THADA: variants seen among roughly 807,000 people sequenced by gnomAD.
THADA encodes THADA armadillo repeat containing.
A neutral mutation model predicts 219.8 loss-of-function variants in THADA; 213 were observed. That is an observed-to-expected ratio of 0.97 (90% CI 0.87 to 1.09). The LOEUF (loss-of-function observed/expected upper bound fraction) is 1.09. Ranked by LOEUF, THADA falls within the 50% of genes least tolerant of loss-of-function variation. THADA has a pLI of 0.00. For synonymous variants in THADA, 1,018 were observed against 828.9 expected (o/e 1.23, Z -3.92); for missense variants, 2,956 against 2,311.3 (o/e 1.28, Z -5.72).
At chr2:43,421,835 C>T (rs1208062756) in intron 28 of THADA, among the ~76,000 whole-genome samples, 1 of 152,170 alleles carries the variant, frequency 6.6e-6, no homozygotes, top group Admixed American at 6.5e-5. Context: ...CTGGAGGGTG[C>T]CATTTAAGAG....
At chr2:43,492,976 A>G (rs1687828035) in intron 25 of THADA, among the ~76,000 whole-genome samples, 1 of 152,184 alleles carries the variant, frequency 6.6e-6, no homozygotes, top group African/African-American at 2.4e-5. Flanking sequence ...CAGTGAATAG[A>G]GCACAGCTAG....
chr2:43,536,267 A>G (rs1694591417), intron 21 of THADA, among the ~76,000 whole-genome samples: 2 of 152,158 alleles, frequency 1.3e-5, no homozygotes, highest in African/African-American at 2.4e-5. Flanking sequence ...CGGTAGATAC[A>G]TTAATTTCTG....
At chr2:43,476,014 T>G (rs1429062252) in intron 26 of THADA, among the ~76,000 whole-genome samples, 1 of 152,212 alleles carries the variant, frequency 6.6e-6, no homozygotes, top group Non-Finnish European at 1.5e-5. Flanking sequence ...TTAACAGAAC[T>G]GATTTTGGTT....
rs765010895 is a variant in THADA, at chr2:43,286,983, C to T, written c.5089G>A (p.Glu1697Lys). ...ILSCEDHLPT[E>K]SRLAVVEVLT... ...ACTTCAACGACGGCCAGCCTAGACTCTGTAGGAAGATGGTCTTCACATGAC... is the reference window on the plus strand; with the variant it reads ...ACTTCAACGACGGCCAGCCTAGACTTTGTAGGAAGATGGTCTTCACATGAC... Residue 1697 changes from glutamate to lysine, a missense_variant, in exon 35 of 38, where the codon GAG (glutamate) becomes AAG (lysine). Coordinates refer to ENST00000405975, the MANE Select transcript of THADA (RefSeq NM_022065.5). The T allele has an allele frequency of 2.5e-6, 4 of 1,614,002 alleles. No homozygotes were observed. The South Asian group carries it at 3.3e-5, about 13-fold the overall frequency.
intron 30 of THADA, among the ~76,000 whole-genome samples, chr2:43,335,038 T>G (rs372850770): frequency 1.8e-4 from 28 of 151,576 alleles, no homozygotes; most frequent in African/African-American, 6.5e-4. Flanking sequence ...AATGGGGGAG[T>G]TGGAAGATCA....
chr2:43,435,366 G>T (rs1402852542), intron 26 of THADA, among the ~76,000 whole-genome samples: 1 of 151,726 alleles, frequency 6.6e-6, no homozygotes, highest in Non-Finnish European at 1.5e-5. Context: ...GGCTGAGGCA[G>T]GAGAATCACT....
chr2:43,493,356 G>A (rs1042830752), intron 25 of THADA, among the ~76,000 whole-genome samples: 2 of 152,196 alleles, frequency 1.3e-5, no homozygotes, highest in African/African-American at 2.4e-5. Flanking sequence ...TTAGCTGGGC[G>A]TGGTAGCATG....
intron 29 of THADA, among the ~76,000 whole-genome samples, chr2:43,397,580 G>A (rs768189256): frequency 2.6e-5 from 4 of 151,992 alleles, no homozygotes; most frequent in Non-Finnish European, 4.4e-5. Flanking sequence ...AGCTCTTCCT[G>A]TGCCTCTCAG....
At chr2:43,451,878 A>C (rs1460245796) in intron 26 of THADA, among the ~76,000 whole-genome samples, 1 of 152,200 alleles carries the variant, frequency 6.6e-6, no homozygotes, top group Non-Finnish European at 1.5e-5. Context: ...AGGCTGAGGC[A>C]GGTCAATCAC....
chr2:43,412,284 G>C (rs1676400537), intron 28 of THADA, among the ~76,000 whole-genome samples: 1 of 152,258 alleles, frequency 6.6e-6, no homozygotes, highest in South Asian at 2.1e-4. Flanking sequence ...TAAAGTCGGT[G>C]CAAAATGTAT....
chr2:43,587,790 G>A (rs1701169367), intron 4 of THADA, among the ~76,000 whole-genome samples: 2 of 151,874 alleles, frequency 1.3e-5, no homozygotes, highest in Admixed American at 1.3e-4. Context: ...CTCCATTCTG[G>A]ACTGTTTCAT....
intron 26 of THADA, among the ~76,000 whole-genome samples, chr2:43,484,953 A>C (rs1363650182): frequency 2.1e-5 from 3 of 140,578 alleles, no homozygotes; most frequent in African/African-American, 3.0e-5. Flanking sequence ...AAAAAAAAAA[A>C]CAAAAAAAAC....
At chr2:43,242,398 G>T (rs933060256) in intron 36 of THADA, among the ~76,000 whole-genome samples, 2 of 152,206 alleles carry the variant, frequency 1.3e-5, no homozygotes, top group African/African-American at 4.8e-5. Flanking sequence ...TAAACAACTT[G>T]TTCAAGATCA....
intron 29 of THADA, among the ~76,000 whole-genome samples, chr2:43,360,074 T>G (rs933482154): frequency 1.3e-5 from 2 of 152,148 alleles, no homozygotes; most frequent in Non-Finnish European, 2.9e-5. Context: ...TACAAAGATT[T>G]CATATTATTT....
intron 22 of THADA, among the ~76,000 whole-genome samples, chr2:43,513,308 A>G (rs919705463): frequency 3.3e-5 from 5 of 152,220 alleles, no homozygotes; most frequent in African/African-American, 1.2e-4. Context: ...AATGTTAACA[A>G]TATGCAAAAT....
intron 22 of THADA, among the ~76,000 whole-genome samples, chr2:43,525,971 T>G (rs1230002793): frequency 6.6e-6 from 1 of 152,184 alleles, no homozygotes; most frequent in African/African-American, 2.4e-5. Context: ...AACCTAACAT[T>G]TCCAACCAGA....
At chr2:43,239,554 ATGTCTTCCAGGT>A (rs1351014262) in intron 36 of THADA, among the ~76,000 whole-genome samples, 2 of 152,282 alleles carry the variant, frequency 1.3e-5, no homozygotes, top group Non-Finnish European at 2.9e-5. Context: ...GTCAAAGTGG[ATGTCTTCCAGGT>A]GCCAACCTTG....
chr2:43,561,444 G>A (rs181677145), intron 15 of THADA, among the ~76,000 whole-genome samples: 2 of 152,330 alleles, frequency 1.3e-5, no homozygotes, highest in African/African-American at 4.8e-5. Flanking sequence ...GGTAATCACT[G>A]ACTCCACTTA....
rs1316574361 is a variant in THADA at position 43,514,660 on chromosome 2, TATA to T, written c.3375-5883_3375-5881del. On this transcript the variant is annotated intron_variant, in intron 22 of 37. Transcript: ENST00000405975. ...TTTTATATATAATATATATATTGTA[TATA>T]ATAATATATAATATATTATATTATA... 7.6e-4 allele frequency among the ~76,000 whole-genome samples: 69 copies of T among 90,504 alleles called. 4 individuals carry two copies. The highest frequency in any genetic ancestry group is 4.7e-3 in the East Asian group (18 of 3,800). 59.4% of individuals were successfully genotyped at this position (90,504 alleles called of 152,430 possible).
Sources: gnomAD v4.1 joint callset for allele counts (sites outside exome capture counted in the v4.1 genomes callset) on GRCh38, gnomAD v4.1.1 for gene constraint, MANE v1.5 for transcripts, NCBI Gene and HGNC (gene_info 2026-07-23, HGNC 2026-07-21) for gene names.